Variants in BTBD10 observed in about 807,000 individuals in gnomAD.
BTBD10 encodes the protein BTB/POZ domain-containing protein 10.
A neutral mutation model predicts 53.2 loss-of-function variants in BTBD10; 21 were observed. The ratio of observed to expected loss-of-function variants is 0.39; its 90% CI spans 0.28 to 0.57. The LOEUF (loss-of-function observed/expected upper bound fraction) is 0.57, where lower values mean the gene tolerates loss of function less well. BTBD10 is among the 20% of genes least tolerant of loss of function. BTBD10 has a pLI of 0.53. For synonymous variants in BTBD10, 149 were observed against 192.7 expected (o/e 0.77, Z 1.88); for missense variants, 360 against 594.7 (o/e 0.61, Z 4.10).
chr11:13,405,927 CTT>C (rs1949814128), intron 6 of BTBD10, 71 bp from the exon 7 acceptor site: 9 of 1,453,946 alleles, frequency 6.2e-6, no homozygotes, highest in Middle Eastern at 1.8e-4. Context: ...AATATAGACT[CTT>C]ATAACAAGAA....
chr11:13,447,153 CTCT>C (rs904504004), intron 1 of BTBD10, among the ~76,000 whole-genome samples: 2 of 151,908 alleles, frequency 1.3e-5, no homozygotes, highest in African/African-American at 2.4e-5. Flanking sequence ...TTTATCTCTC[CTCT>C]TCTTTTTCTT....
intron 6 of BTBD10, among the ~76,000 whole-genome samples, chr11:13,409,909 G>A (rs944361683): frequency 6.6e-6 from 1 of 152,116 alleles, no homozygotes; most frequent in African/African-American, 2.4e-5. Context: ...AAGAGGGGAC[G>A]AAAGGACAAG....
chr11:13,461,319 G>C (rs1043110949), intron 1 of BTBD10, among the ~76,000 whole-genome samples: 17 of 152,150 alleles, frequency 1.1e-4, no homozygotes, highest in African/African-American at 1.7e-4. Flanking sequence ...CAAAAATCTA[G>C]ATTTCCGAGT....
chr11:13,407,836 T>C (rs1949863494), intron 6 of BTBD10, among the ~76,000 whole-genome samples: 1 of 152,202 alleles, frequency 6.6e-6, no homozygotes, highest in African/African-American at 2.4e-5. Context: ...AATTTCTGCC[T>C]TGGTTTCTGG....
At chr11:13,459,933 T>A (rs1256241099) in intron 1 of BTBD10, among the ~76,000 whole-genome samples, 5 of 152,170 alleles carry the variant, frequency 3.3e-5, no homozygotes, top group Non-Finnish European at 5.9e-5. Context: ...TGAGTCATGG[T>A]AGAAACAAGT....
In BTBD10 at chr11:13,396,967, A is replaced by G. The variant is rs1008600999; in HGVS notation, c.1117+6201T>C. On this transcript the variant is annotated intron_variant, in intron 8 of 8. Transcript: ENST00000278174. ...CCAGAATTTTATTGAGGAGTTTTGC[A>G]TCAATGTTCATCAGGGATATTGGTC... 5.9e-5 allele frequency among the ~76,000 whole-genome samples: 9 copies of G among 152,188 alleles called. No homozygotes were observed. The East Asian group carries it at 1.7e-3, about 29-fold the overall frequency.
chr11:13,435,088 T>C (rs562430614), intron 2 of BTBD10, among the ~76,000 whole-genome samples: 2 of 152,308 alleles, frequency 1.3e-5, no homozygotes, highest in South Asian at 4.1e-4. Context: ...AAGTCTAAAG[T>C]TCAGGGGAAA....
Position 13,417,268 on chromosome 11 carries a change from A to G in BTBD10, c.585-8T>C. 2 of 1,587,198 alleles carry G rather than the reference A, an allele frequency of 1.3e-6. No homozygotes were observed. Among genetic ancestry groups the G allele is most frequent in the Non-Finnish European group, 1.7e-6 (2 of 1,162,268 alleles). The stretch of plus-strand genomic sequence containing the variant: ...CGGCCAGATCCAAACATCCTATGAT[A>G]GTAAATAATTGAGAAATACGTCAAT... On this transcript the variant is annotated splice_polypyrimidine_tract_variant and splice_region_variant and intron_variant, in intron 4 of 8. Coordinates refer to ENST00000278174, the MANE Select transcript of BTBD10 (RefSeq NM_032320.7).
intron 2 of BTBD10, among the ~76,000 whole-genome samples, chr11:13,423,628 CA>C (rs1264073903): frequency 6.6e-6 from 1 of 152,142 alleles, no homozygotes; most frequent in African/African-American, 2.4e-5. Flanking sequence ...TCTCCTTTAG[CA>C]AAACCACACG....
intron 2 of BTBD10, among the ~76,000 whole-genome samples, chr11:13,435,738 G>A (rs779302870): frequency 2.6e-5 from 4 of 152,102 alleles, no homozygotes; most frequent in African/African-American, 4.8e-5. Context: ...TGATCTGCCT[G>A]CCTCGGCCTC....
intron 6 of BTBD10, among the ~76,000 whole-genome samples, chr11:13,407,448 A>T (rs1949856741): frequency 6.6e-6 from 1 of 152,194 alleles, no homozygotes; most frequent in Non-Finnish European, 1.5e-5. Context: ...TTTTCAAATC[A>T]GTAAATGGCA....
At chr11:13,451,550 A>G (rs1950858978) in intron 1 of BTBD10, among the ~76,000 whole-genome samples, 1 of 152,224 alleles carries the variant, frequency 6.6e-6, no homozygotes, top group African/African-American at 2.4e-5. Flanking sequence ...AGTTGGAAGA[A>G]GTAAGAAATA....
intron 2 of BTBD10, among the ~76,000 whole-genome samples, chr11:13,432,685 T>G (rs1263171517): frequency 6.6e-6 from 1 of 151,832 alleles, no homozygotes; most frequent in Non-Finnish European, 1.5e-5. Flanking sequence ...GCTGCAATTT[T>G]AAAAAAATTA....
chr11:13,396,499 G>A (rs1270608632), intron 8 of BTBD10, among the ~76,000 whole-genome samples: 2 of 152,154 alleles, frequency 1.3e-5, no homozygotes, highest in Non-Finnish European at 2.9e-5. Flanking sequence ...GGGACAATTT[G>A]GCTTCCTCTT....
At chr11:13,405,929 T>C (rs1435609021) in intron 6 of BTBD10, 73 bp from the exon 7 acceptor site, 1 of 1,446,982 alleles carries the variant, frequency 6.9e-7, no homozygotes. Flanking sequence ...TATAGACTCT[T>C]ATAACAAGAA....
intron 2 of BTBD10, among the ~76,000 whole-genome samples, chr11:13,435,617 C>T (rs913897916): frequency 2.6e-5 from 4 of 152,140 alleles, no homozygotes; most frequent in African/African-American, 9.7e-5. Context: ...CTCAGACTCC[C>T]AAGTAGCTGG....
At chr11:13,435,870 T>C (rs1326775894) in intron 2 of BTBD10, among the ~76,000 whole-genome samples, 1 of 152,208 alleles carries the variant, frequency 6.6e-6, no homozygotes, top group Non-Finnish European at 1.5e-5. Flanking sequence ...ACAACCTTTT[T>C]CTATTAAATT....
chr11:13,449,115 G>GAGGT (rs1950803183), intron 1 of BTBD10, among the ~76,000 whole-genome samples: 1 of 152,130 alleles, frequency 6.6e-6, no homozygotes, highest in Admixed American at 6.6e-5. Flanking sequence ...GTCTAAACAG[G>GAGGT]AGGTGGGGGT....
intron 4 of BTBD10, 62 bp from the exon 5 acceptor site, chr11:13,417,322 A>AGGCCGGGCGCGGTGGCTCACGCC: frequency 8.3e-7 from 1 of 1,210,518 alleles, no homozygotes; most frequent in African/African-American, 1.5e-5. Context: ...GGGAAAATAG[A>AGGCCGGGCGCGGTGGCTCACGCC]TTTCATGTAC....
Sources: gnomAD v4.1 joint callset for allele counts (sites outside exome capture counted in the v4.1 genomes callset) on GRCh38, gnomAD v4.1.1 for gene constraint, MANE v1.5 for transcripts, NCBI Gene and HGNC (gene_info 2026-07-23, HGNC 2026-07-21) for gene names.